Variants in RBFOX1 observed in about 807,000 individuals in gnomAD.
The protein encoded by RBFOX1 is RNA binding fox-1 homolog 1, also known as RNA binding protein fox-1 homolog 1.
RBFOX1 carries 8 observed loss-of-function variants against 57.7 expected under a neutral mutation model. That is an observed-to-expected ratio of 0.14 (90% CI 0.08 to 0.25). The LOEUF is 0.25. Among genes scored for constraint, RBFOX1 ranks in the 10% least tolerant of loss-of-function variants. The pLI, the probability that RBFOX1 is intolerant of heterozygous loss-of-function variation, is 1.00. For missense variants in RBFOX1, 611 were observed against 548.5 expected, an observed-to-expected ratio of 1.11 and a Z score of -1.14; for synonymous variants, 326 against 222.4, an observed-to-expected ratio of 1.47 and a Z score of -4.15.
rs1555600462 is a variant in RBFOX1, at chr16:7,225,905, A to AATCAATAAATATATATATACATAT, written c.27+173809_27+173810insCAATAAATATATATATACATATAT. ...GTACCCTAGAACTTAAAGTATAATA[A>AATCAATAAATATATATATACATAT]ATATATATATATATAAATGTGAATG... On this transcript the variant is annotated intron_variant, in intron 4 of 15. Transcript: ENST00000550418. 1.8e-4 allele frequency among the ~76,000 whole-genome samples: 17 copies of AATCAATAAATATATATATACATAT among 93,752 alleles called. 1 individual carries two copies. Among genetic ancestry groups the AATCAATAAATATATATATACATAT allele is most frequent in the African/African-American group, 7.2e-4 (15 of 20,974 alleles). The allele number at this position is 93,752 out of a possible 152,430, so 61.5% of individuals were successfully genotyped here. A position where few individuals can be genotyped will look rare whatever the true frequency, so the allele number is the denominator to read the frequency against.
intron 2 of RBFOX1, among the ~76,000 whole-genome samples, chr16:6,459,493 C>A (rs1057094734): frequency 1.3e-5 from 2 of 152,110 alleles, no homozygotes; most frequent in East Asian, 3.9e-4. Context: ...ATGGAAGACA[C>A]CTAAGAAAGA....
chr16:7,216,532 C>G (rs986206974), intron 4 of RBFOX1, among the ~76,000 whole-genome samples: 6 of 152,062 alleles, frequency 3.9e-5, no homozygotes, highest in African/African-American at 1.4e-4. Context: ...TATTGTAAAA[C>G]TTAAATATAA....
intron 4 of RBFOX1, among the ~76,000 whole-genome samples, chr16:7,125,247 T>A (rs888029668): frequency 6.6e-6 from 1 of 152,114 alleles, no homozygotes; most frequent in South Asian, 2.1e-4. Flanking sequence ...GATAGAACTT[T>A]GGGGTTGTCG....
chr16:6,717,463 T>A (rs1277193881), intron 3 of RBFOX1, among the ~76,000 whole-genome samples: 2 of 152,194 alleles, frequency 1.3e-5, no homozygotes, highest in Middle Eastern at 3.2e-3. Flanking sequence ...TTTTGGCACT[T>A]GTTACGTTAA....
At chr16:6,500,450 T>C (rs895612096) in intron 2 of RBFOX1, among the ~76,000 whole-genome samples, 2 of 152,144 alleles carry the variant, frequency 1.3e-5, no homozygotes, top group Non-Finnish European at 2.9e-5. Flanking sequence ...TGACTCCAAA[T>C]TGCAGCTCCA....
intron 3 of RBFOX1, among the ~76,000 whole-genome samples, chr16:5,611,776 ATCC>A (rs2047813949): frequency 1.6e-5 from 1 of 63,712 alleles, no homozygotes; most frequent in African/African-American, 4.9e-5. Flanking sequence ...TCTCCCATCC[ATCC>A]ATCCATCCAT....
At chr16:5,911,503 C>T (rs189752820) in intron 4 of RBFOX1, among the ~76,000 whole-genome samples, 92 of 152,270 alleles carry the variant, frequency 6.0e-4, no homozygotes, top group African/African-American at 1.7e-3. Context: ...ACAGAGAGCT[C>T]GGCTGTAAAA....
chr16:5,544,666 G>A (rs2045108791), intron 2 of RBFOX1, among the ~76,000 whole-genome samples: 1 of 152,040 alleles, frequency 6.6e-6, no homozygotes, highest in African/African-American at 2.4e-5. Context: ...GATAAAAAAT[G>A]ATATCAAATA....
intron 3 of RBFOX1, among the ~76,000 whole-genome samples, chr16:6,764,758 GAAACCC>G (rs2077092698): frequency 6.6e-6 from 1 of 152,078 alleles, no homozygotes. Flanking sequence ...CCAACATGGT[GAAACCC>G]TGTCTCTACC....
At chr16:6,988,457 A>G (rs1301947292) in intron 3 of RBFOX1, among the ~76,000 whole-genome samples, 1 of 152,230 alleles carries the variant, frequency 6.6e-6, no homozygotes, top group Admixed American at 6.5e-5. Context: ...GAGAGTTTTT[A>G]AAAAGTCGAT....
chr16:6,521,779 C>T (rs966566650), intron 2 of RBFOX1, among the ~76,000 whole-genome samples: 3 of 152,096 alleles, frequency 2.0e-5, no homozygotes, highest in Admixed American at 2.0e-4. Flanking sequence ...TTTCTATCTC[C>T]TGTACAACTG....
intron 5 of RBFOX1, among the ~76,000 whole-genome samples, chr16:7,544,489 T>C (rs1372913354): frequency 6.6e-6 from 1 of 152,150 alleles, no homozygotes; most frequent in Non-Finnish European, 1.5e-5. Flanking sequence ...GTTGTCCTTG[T>C]AAGAAAACCA....
intron 3 of RBFOX1, among the ~76,000 whole-genome samples, chr16:6,833,708 A>G (rs1484228248): frequency 1.3e-5 from 2 of 152,194 alleles, no homozygotes; most frequent in Non-Finnish European, 2.9e-5. Context: ...GTGACCAGAG[A>G]AAGACTCTAG....
At chr16:6,807,769 T>C (rs950695034) in intron 3 of RBFOX1, among the ~76,000 whole-genome samples, 2 of 151,960 alleles carry the variant, frequency 1.3e-5, no homozygotes, top group African/African-American at 4.8e-5. Context: ...TGAGCTAAGA[T>C]TGTGTCACTG....
intron 2 of RBFOX1, among the ~76,000 whole-genome samples, chr16:6,603,072 C>T (rs1250640062): frequency 6.6e-6 from 1 of 152,060 alleles, no homozygotes; most frequent in Non-Finnish European, 1.5e-5. Context: ...ATCCTAGTAG[C>T]AAAAAAATAA....
intron 5 of RBFOX1, among the ~76,000 whole-genome samples, chr16:7,564,169 G>A (rs528786754): frequency 4.7e-4 from 71 of 152,222 alleles, no homozygotes; most frequent in African/African-American, 1.6e-3. Context: ...CACGAGAGTA[G>A]AGCCCGATGA....
At chr16:7,394,173 T>C (rs571706980) in intron 4 of RBFOX1, among the ~76,000 whole-genome samples, 1 of 131,782 alleles carries the variant, frequency 7.6e-6, no homozygotes, top group East Asian at 2.3e-4. Context: ...GAGGCAGAGG[T>C]TGTAGTGAGC....
chr16:7,050,154 C>CTTT (rs58027559), intron 3 of RBFOX1, among the ~76,000 whole-genome samples: 2,423 of 138,292 alleles, frequency 0.018, 68 homozygotes, highest in African/African-American at 0.058. Context: ...TCAATGTGGG[C>CTTT]TTTTTTTTTT....
chr16:7,300,947 T>A (rs931673848), intron 4 of RBFOX1, among the ~76,000 whole-genome samples: 1 of 152,196 alleles, frequency 6.6e-6, no homozygotes, highest in African/African-American at 2.4e-5. Flanking sequence ...TGAACCCATG[T>A]GATGTTGAAT....
Sources: gnomAD v4.1 joint callset for allele counts (sites outside exome capture counted in the v4.1 genomes callset) on GRCh38, gnomAD v4.1.1 for gene constraint, MANE v1.5 for transcripts, NCBI Gene and HGNC (gene_info 2026-07-23, HGNC 2026-07-21) for gene names.